Variants in TKFC observed in about 807,000 individuals in gnomAD.
The protein encoded by TKFC is triokinase and FMN cyclase, also known as triokinase/FMN cyclase.
In TKFC, 46 loss-of-function variants were observed where a neutral mutation model predicts 61.0. The ratio of observed to expected loss-of-function variants is 0.75; its 90% confidence interval spans 0.60 to 0.96. The LOEUF (loss-of-function observed/expected upper bound fraction) is 0.96. Among genes scored for constraint, TKFC ranks in the 50% least tolerant of loss-of-function variants. The pLI is 0.00. For synonymous variants in TKFC, 314 were observed against 330.1 expected (o/e 0.95, Z 0.53); for missense variants, 715 against 777.5 (o/e 0.92, Z 0.96).
rs1857182209 is a variant in TKFC at position 61,347,413 on chromosome 11, G to A, written c.*910G>A. 1.2e-6 allele frequency: 1 copy of A among 863,738 alleles called. No homozygotes were observed. The highest frequency in any genetic ancestry group is 1.4e-6 in the Non-Finnish European group (1 of 719,160). The allele number at this position is 863,738 out of a possible 1,614,324, so 53.5% of individuals were successfully genotyped here. Reference sequence around the variant, plus strand: ...CAAAATTAGCCAGGCATAGTAGTGTGTGCCTATAGTCCTAACTTGGGAGGC... The same window carrying A: ...CAAAATTAGCCAGGCATAGTAGTGTATGCCTATAGTCCTAACTTGGGAGGC... On this transcript the variant is annotated 3_prime_UTR_variant, in exon 18 of 18. Coordinates refer to ENST00000394900, the MANE Select transcript of TKFC (RefSeq NM_015533.4).
chr11:61,350,579 C>A, downstream of TKFC: 1 of 868,488 alleles, frequency 1.2e-6, no homozygotes, highest in South Asian at 1.6e-5. Context: ...TGGTACACAC[C>A]CCGTCTCCCT....
Position 61,338,011 on chromosome 11 carries a change from A to G in TKFC, c.74A>G (p.Asn25Ser). The change falls in exon 3 of 18, where the codon AAC becomes AGC. Residue 25 changes from asparagine to serine, a missense_variant. Physicochemically the swap from Asn to Ser is conservative, Grantham distance 46. Coordinates refer to ENST00000394900, the MANE Select transcript of TKFC (RefSeq NM_015533.4). ...DDALAGLVAC[N>S]PNLQLLQGHR... ...GCTCTTGCTGGCCTGGTGGCCTGCA[A>G]CCCCAACCTGCAGCTCCTGCAGGGC... The G allele has an allele frequency of 6.2e-7, 1 of 1,612,136 alleles. No homozygotes were observed. Among genetic ancestry groups the G allele is most frequent in the African/African-American group, 1.3e-5 (1 of 74,646 alleles).
intron 2 of TKFC, among the ~76,000 whole-genome samples, chr11:61,336,976 T>C (rs1292647747): frequency 3.9e-5 from 6 of 152,118 alleles, no homozygotes; most frequent in African/African-American, 7.2e-5. Context: ...TGCCCCCTTT[T>C]TCCCTACCCC....
chr11:61,342,091 A>G (rs1054331347), intron 7 of TKFC, among the ~76,000 whole-genome samples, 179 bp downstream of exon 7: 1 of 152,094 alleles, frequency 6.6e-6, no homozygotes, highest in African/African-American at 2.4e-5. Flanking sequence ...TTTGCTGTCT[A>G]TACCCACAGC....
intron 10 of TKFC, chr11:61,343,049 G>T (rs879645388): frequency 1.6e-5 from 10 of 627,664 alleles, no homozygotes; most frequent in Non-Finnish European, 2.8e-5. Context: ...GCTTTATACC[G>T]TTGTTTTGAG....
rs3166 is a variant in TKFC at position 61,349,072 on chromosome 11, A to C, written c.*2569A>C. The stretch of plus-strand genomic sequence containing the variant: ...GTGGGCTCCAAACCCCAGGCTTCTC[A>C]CTTGCTTACTAAGCACAGCAGTCTG... On this transcript the variant is annotated 3_prime_UTR_variant, in exon 18 of 18. Coordinates refer to ENST00000394900, the MANE Select transcript of TKFC (RefSeq NM_015533.4). 6.1e-6 allele frequency: 1 copy of C among 164,862 alleles called. No homozygotes were observed. The highest frequency in any genetic ancestry group is 3.2e-3 in the Middle Eastern group (1 of 316). The allele number at this position is 164,862 out of a possible 1,614,324, so 10.2% of individuals were successfully genotyped here.
chr11:61,339,093 G>C lies in TKFC; in HGVS notation c.221G>C (p.Gly74Ala). ...AGFIGKGMLT[G>A]VIAGAVFTSP... is the part of the protein sequence containing the mutation. ...TTCATAGGGAAGGGGATGCTGACTGGGGTCATCGCGGGAGCTGTGTTCACC... is the reference window on the plus strand; with the variant it reads ...TTCATAGGGAAGGGGATGCTGACTGCGGTCATCGCGGGAGCTGTGTTCACC... The change falls in exon 4 of 18, where the codon GGG becomes GCG. Residue 74 changes from glycine (G) to alanine (A), a missense_variant. Transcript: ENST00000394900. The C allele has an allele frequency of 6.2e-7, 1 of 1,613,582 alleles. No homozygotes were observed. The highest frequency in any genetic ancestry group is 1.3e-5 in the African/African-American group (1 of 75,050).
chr11:61,350,536 A>G, downstream of TKFC: 1 of 1,372,560 alleles, frequency 7.3e-7, no homozygotes, highest in Non-Finnish European at 1.0e-6. Context: ...CAAGCCACCA[A>G]ATCCCTCAGG....
chr11:61,343,683 C>G, intron 11 of TKFC, 173 bp from the exon 12 acceptor site: 1 of 1,041,386 alleles, frequency 9.6e-7, no homozygotes, highest in African/African-American at 1.6e-5. Context: ...CAGGGACCCT[C>G]TCTCCATACC....
rs776931375 is a variant in TKFC at position 61,347,450 on chromosome 11, G to A, written c.*947G>A. 3.1e-5 allele frequency: 30 copies of A among 953,884 alleles called. No individual in the cohort carries two copies. Among genetic ancestry groups the A allele is most frequent in the Non-Finnish European group, 3.6e-5 (29 of 801,910 alleles). The allele number at this position is 953,884 out of a possible 1,614,324, so 59.1% of individuals were successfully genotyped here. ...CTAACTTGGGAGGCTGAGTTGGGAGGATGGCTTGGGCCCAGGAGGTCGAGG... is the reference window on the plus strand; with the variant it reads ...CTAACTTGGGAGGCTGAGTTGGGAGAATGGCTTGGGCCCAGGAGGTCGAGG... On this transcript the variant is annotated 3_prime_UTR_variant, in exon 18 of 18. Coordinates refer to ENST00000394900, the MANE Select transcript of TKFC (RefSeq NM_015533.4).
downstream of TKFC, chr11:61,352,753 G>C (rs767074747): frequency 2.3e-4 from 310 of 1,328,600 alleles, no homozygotes; most frequent in Non-Finnish European, 2.9e-4. Flanking sequence ...AAGGTGCTTA[G>C]TACTGTTTCT....
Position 61,342,601 on chromosome 11 carries a change from C to A in TKFC, c.718C>A (p.Leu240Ile). The A allele has an allele frequency of 1.2e-6, 2 of 1,614,064 alleles. No homozygotes were observed. Among genetic ancestry groups the A allele is most frequent in the Non-Finnish European group, 8.5e-7 (1 of 1,180,028 alleles). ...GGCAACCGCCGATGAGATTGTGAAA[C>A]TCATGCTCGACCACATGACAAACAC... is the stretch of plus-strand genomic sequence containing the variant. ...KMATADEIVK[L>I]MLDHMTNTTN... The change falls in exon 9 of 18, where the codon CTC becomes ATC. Residue 240 changes from leucine (L) to isoleucine (I), a missense_variant. Transcript: ENST00000394900.
At chr11:61,339,657 T>A in intron 5 of TKFC, 1 of 563,186 alleles carries the variant, frequency 1.8e-6, no homozygotes, top group Non-Finnish European at 3.1e-6. Context: ...ACCCAATCAG[T>A]TGCCCGGTCC....
Position 61,342,497 on chromosome 11 carries a change from T to C in TKFC, c.690+2T>C. 1 of 1,614,010 alleles carries C rather than the reference T, an allele frequency of 6.2e-7. No individual in the cohort carries two copies. The highest frequency in any genetic ancestry group is 8.5e-7 in the Non-Finnish European group (1 of 1,180,022). ...GAAGCTGGTGTGCGCCGGATAAAGG[T>C]AGGTGGTCCCTCTGGCACAGGCCGC... On this transcript the variant is annotated splice_donor_variant, in intron 8 of 17. Transcript: ENST00000394900. LOFTEE classifies it high-confidence loss of function.
At chr11:61,350,852 C>T (rs987177680), downstream of TKFC, 33 of 1,300,264 alleles carry the variant, frequency 2.5e-5, no homozygotes, top group East Asian at 7.0e-4. Context: ...CATCAGCCAC[C>T]CTAACTCCAC....
chr11:61,335,103 T>C (rs1480620644), intron 2 of TKFC, among the ~76,000 whole-genome samples: 3 of 152,210 alleles, frequency 2.0e-5, no homozygotes, highest in East Asian at 1.9e-4. Context: ...TTGGGGCTTA[T>C]GTGGGCCGGT....
rs775100182 is a variant in TKFC at position 61,338,100 on chromosome 11, G to A, written c.163G>A (p.Gly55Arg). ...LKGRVALLSG[G>R]GSGHEPAHAG... ...GGGCCGGGTGGCACTGCTGTCGGGT[G>A]GGGGCTCTGGCCATGAGCCTGCCCA... The change falls in exon 3 of 18, where the codon GGG becomes AGG. Residue 55 changes from glycine to arginine, a missense_variant. Transcript: ENST00000394900. The A allele has an allele frequency of 6.2e-7, 1 of 1,605,290 alleles. No individual in the cohort carries two copies. Among genetic ancestry groups the A allele is most frequent in the Non-Finnish European group, 8.5e-7 (1 of 1,178,344 alleles).
intron 6 of TKFC, 43 bp from the exon 7 acceptor site, chr11:61,341,780 C>T: frequency 6.4e-7 from 1 of 1,568,066 alleles, no homozygotes. Flanking sequence ...ATGCCCAGTG[C>T]TAAGAGTGGA....
intron 1 of TKFC, 189 bp from the exon 2 acceptor site, chr11:61,334,431 T>C: frequency 2.4e-6 from 1 of 412,304 alleles, no homozygotes; most frequent in Admixed American, 3.6e-5. Flanking sequence ...TGATCTGTCT[T>C]CTGGCAGTGA....
Sources: allele counts gnomAD v4.1 joint callset (sites outside exome capture counted in the v4.1 genomes callset), GRCh38; gene constraint gnomAD v4.1.1; transcripts MANE v1.5; gene names NCBI Gene and HGNC (gene_info 2026-07-23, HGNC 2026-07-21).